Variants in LYRM4 observed in about 807,000 individuals in gnomAD.
LYRM4 encodes the protein LYR motif-containing protein 4.
LYRM4 carries 9 observed loss-of-function variants against 11.7 expected under a neutral mutation model. That is an observed-to-expected ratio of 0.77 (90% CI 0.46 to 1.34). The LOEUF is 1.34. Ranked by LOEUF, LYRM4 falls within the 40% of genes most tolerant of loss-of-function variation. The probability of loss-of-function intolerance (pLI) is 0.00; values close to 1 mark genes in which losing one functional copy is unlikely to be tolerated. For synonymous variants in LYRM4, 42 were observed against 40.4 expected (o/e 1.04, Z -0.15); for missense variants, 133 against 112.5 (o/e 1.18, Z -0.82).
chr6:5,193,909 A>C (rs1031991679), intron 2 of LYRM4, among the ~76,000 whole-genome samples: 3 of 152,122 alleles, frequency 2.0e-5, no homozygotes, highest in Admixed American at 6.5e-5. Context: ...ATTTTAATAA[A>C]ACGGATGATC....
chr6:5,046,450 G>A, the LYRM4 span, among the ~76,000 whole-genome samples: 7 of 152,098 alleles, frequency 4.6e-5, no homozygotes, highest in African/African-American at 1.7e-4. Flanking sequence ...TATCATAATT[G>A]TGTGGACTGA....
At chr6:5,134,832 TGTCTATTTAAG>T (rs2127616614) in intron 2 of LYRM4, among the ~76,000 whole-genome samples, 1 of 133,942 alleles carries the variant, frequency 7.5e-6, no homozygotes, top group East Asian at 2.0e-4. Flanking sequence ...TGTCATCAAA[TGTCTATTTAAG>T]AGATCTCATC....
intron 2 of LYRM4, among the ~76,000 whole-genome samples, chr6:5,170,563 C>T (rs1043771077): frequency 2.6e-4 from 39 of 152,204 alleles, no homozygotes; most frequent in East Asian, 9.7e-4. Flanking sequence ...TGCAGTGGCG[C>T]GATCTCGGCT....
chr6:5,095,816 C>T, the LYRM4 span, among the ~76,000 whole-genome samples: 2 of 151,974 alleles, frequency 1.3e-5, no homozygotes, highest in Admixed American at 1.3e-4. Flanking sequence ...CTCATCTCTA[C>T]TAAAAATACA....
chr6:5,143,534 T>C (rs1384192518), intron 2 of LYRM4, among the ~76,000 whole-genome samples: 2 of 152,194 alleles, frequency 1.3e-5, no homozygotes, highest in African/African-American at 2.4e-5. Context: ...GTGGCTGGCA[T>C]AGGCCTAAGC....
At chr6:5,162,836 G>A (rs1055743559) in intron 2 of LYRM4, among the ~76,000 whole-genome samples, 5 of 152,112 alleles carry the variant, frequency 3.3e-5, no homozygotes, top group Admixed American at 6.5e-5. Flanking sequence ...CTCATTAGAC[G>A]AAAGGGAAAC....
At chr6:5,087,285 C>G in the LYRM4 span, 1 of 152,232 alleles carries the variant, frequency 6.6e-6, no homozygotes, top group Non-Finnish European at 1.5e-5. Context: ...GTCGGCCGAT[C>G]TTTGTCAGCT....
At chr6:5,189,305 G>T (rs540093452) in intron 2 of LYRM4, among the ~76,000 whole-genome samples, 2 of 149,912 alleles carry the variant, frequency 1.3e-5, no homozygotes, top group African/African-American at 5.0e-5. Context: ...AAGGTTAGTG[G>T]TGAGCCTAAG....
chr6:5,193,095 T>C (rs1388997444), intron 2 of LYRM4, among the ~76,000 whole-genome samples: 1 of 152,202 alleles, frequency 6.6e-6, no homozygotes, highest in Middle Eastern at 3.4e-3. Flanking sequence ...GCAGAGGTAA[T>C]AGGCACACAG....
intron 2 of LYRM4, among the ~76,000 whole-genome samples, chr6:5,161,703 C>T (rs1455317494): frequency 6.6e-6 from 1 of 152,156 alleles, no homozygotes; most frequent in Admixed American, 6.5e-5. Context: ...CACTACATTT[C>T]TCATTGGAGG....
chr6:5,166,314 C>T (rs1759084599), intron 2 of LYRM4, among the ~76,000 whole-genome samples: 1 of 152,194 alleles, frequency 6.6e-6, no homozygotes, highest in African/African-American at 2.4e-5. Context: ...ACAGAAGTTA[C>T]CTGACATGGC....
intron 2 of LYRM4, among the ~76,000 whole-genome samples, chr6:5,128,593 A>C (rs1313709309): frequency 6.6e-6 from 1 of 152,198 alleles, no homozygotes; most frequent in Non-Finnish European, 1.5e-5. Context: ...CTTGAGAGGA[A>C]GTGACAGTCA....
chr6:5,257,950 G>C (rs1372266041), intron 1 of LYRM4, among the ~76,000 whole-genome samples: 1 of 152,198 alleles, frequency 6.6e-6, no homozygotes, highest in East Asian at 1.9e-4. Context: ...GGAGGGATGG[G>C]AGTGGAAGCT....
chr6:5,050,097 T>C, the LYRM4 span, among the ~76,000 whole-genome samples: 1 of 152,266 alleles, frequency 6.6e-6, no homozygotes, highest in Non-Finnish European at 1.5e-5. Context: ...CAGGAATCCA[T>C]TTCCCCATTT....
intron 2 of LYRM4, among the ~76,000 whole-genome samples, chr6:5,200,201 T>C (rs1464706997): frequency 1.3e-5 from 2 of 152,274 alleles, no homozygotes; most frequent in East Asian, 3.9e-4. Flanking sequence ...TCTCCAGAAG[T>C]GCAGGATGGA....
chr6:5,213,487 GCTGTGGGCTTCCTCA>G (rs1299386630), intron 2 of LYRM4, among the ~76,000 whole-genome samples: 1 of 152,180 alleles, frequency 6.6e-6, no homozygotes, highest in East Asian at 1.9e-4. Flanking sequence ...TGGAAAAGTG[GCTGTGGGCTTCCTCA>G]CTGGTGGAAC....
intron 2 of LYRM4, among the ~76,000 whole-genome samples, chr6:5,216,363 T>A (rs1173182771): frequency 6.6e-6 from 1 of 152,220 alleles, no homozygotes; most frequent in African/African-American, 2.4e-5. Flanking sequence ...AATGCAGAAG[T>A]TTCTCATACT....
chr6:5,213,874 A>G (rs138531752), intron 2 of LYRM4, among the ~76,000 whole-genome samples: 77 of 152,368 alleles, frequency 5.1e-4, no homozygotes, highest in Middle Eastern at 6.8e-3. Flanking sequence ...ATGTGCTAGC[A>G]TTATCCCGGG....
Position 5,203,444 on chromosome 6 carries a change from C to A in LYRM4, c.207+13174G>T, listed in dbSNP as rs1761508168. On this transcript the variant is annotated intron_variant, in intron 2 of 2. Transcript: ENST00000330636. ...GAACACCTTTATTCAAATTAAGGGACTCCCATTTTTTACTTCCAAACACCA... is the reference window on the plus strand; with the variant it reads ...GAACACCTTTATTCAAATTAAGGGAATCCCATTTTTTACTTCCAAACACCA... Among the ~76,000 whole-genome samples the A allele has an allele frequency of 1.3e-5, 2 of 152,288 alleles. 1 individual carries two copies. Among genetic ancestry groups the A allele is most frequent in the South Asian group, 4.1e-4 (2 of 4,820 alleles).
Sources: allele counts gnomAD v4.1 joint callset (sites outside exome capture counted in the v4.1 genomes callset), GRCh38; gene constraint gnomAD v4.1.1; transcripts MANE v1.5; gene names NCBI Gene and HGNC (gene_info 2026-07-23, HGNC 2026-07-21).